The following RNF150 variants were observed in gnomAD, a reference collection of about 807,000 sequenced individuals.
RNF150 encodes the protein ring finger protein 150.
Under a neutral mutation model 39.3 loss-of-function variants are expected in RNF150, and 24 were observed. The observed-to-expected ratio is 0.61, with a 90% CI of 0.44 to 0.86. The LOEUF (loss-of-function observed/expected upper bound fraction) is 0.86. Ranked by LOEUF, RNF150 falls within the 40% of genes least tolerant of loss-of-function variation. The pLI, the probability that RNF150 is intolerant of heterozygous loss-of-function variation, is 0.00. For missense variants in RNF150, 502 were observed against 587.8 expected (o/e 0.85, Z 1.51); for synonymous variants, 255 against 227.3 (o/e 1.12, Z -1.10).
At chr4:141,151,998 C>T (rs1012831541) in intron 1 of RNF150, among the ~76,000 whole-genome samples, 2 of 151,664 alleles carry the variant, frequency 1.3e-5, no homozygotes, top group African/African-American at 2.4e-5. Flanking sequence ...ACAAAACTTT[C>T]ATTGACAGCC....
intron 1 of RNF150, among the ~76,000 whole-genome samples, chr4:141,065,968 C>T (rs959476870): frequency 1.3e-5 from 2 of 152,058 alleles, no homozygotes; most frequent in Non-Finnish European, 1.5e-5. Flanking sequence ...TTTCCTGAAG[C>T]TGCTCCTGTT....
chr4:140,862,210 C>T lies in RNF150; in HGVS notation c.*6051G>A, dbSNP rs114960666. The T allele has an allele frequency of 0.019, 2,958 of 152,284 alleles. 47 individuals are homozygous for T. Among genetic ancestry groups the T allele is most frequent in the Middle Eastern group, 0.031 (9 of 294 alleles). The allele number at this position is 152,284 out of a possible 1,614,324, so 9.4% of individuals were successfully genotyped here. A position where few individuals can be genotyped will look rare whatever the true frequency, so the allele number is the denominator to read the frequency against. ...CGACCTTCTCTAAGGATTTTTCTCCCTCACTGTGTTCAGACATTGCAGACC... is the reference window on the plus strand; with the variant it reads ...CGACCTTCTCTAAGGATTTTTCTCCTTCACTGTGTTCAGACATTGCAGACC... On this transcript the variant is annotated 3_prime_UTR_variant, in exon 7 of 7. Coordinates refer to ENST00000515673, the MANE Select transcript of RNF150 (RefSeq NM_020724.2).
chr4:140,912,915 T>A (rs1228548873), intron 5 of RNF150, among the ~76,000 whole-genome samples: 1 of 145,832 alleles, frequency 6.9e-6, no homozygotes, highest in Admixed American at 7.0e-5. Flanking sequence ...CCACTTACAA[T>A]CTCTTCTCCA....
chr4:141,143,470 C>T (rs995632516), intron 1 of RNF150, among the ~76,000 whole-genome samples: 5 of 152,088 alleles, frequency 3.3e-5, no homozygotes, highest in African/African-American at 9.7e-5. Flanking sequence ...AATCTCAAAC[C>T]TACTCTTCTC....
intron 1 of RNF150, among the ~76,000 whole-genome samples, chr4:141,180,315 C>T (rs538045337): frequency 1.1e-3 from 165 of 152,290 alleles, no homozygotes; most frequent in African/African-American, 3.8e-3. Flanking sequence ...GCATTCCCTT[C>T]CCCTTTAACC....
chr4:140,929,742 T>G, intron 4 of RNF150, among the ~76,000 whole-genome samples: 1 of 152,170 alleles, frequency 6.6e-6, no homozygotes. Context: ...AAGATGTTGC[T>G]ATGAAGGCAT....
chr4:141,015,948 T>C (rs1176148186), intron 1 of RNF150, among the ~76,000 whole-genome samples: 1 of 151,948 alleles, frequency 6.6e-6, no homozygotes, highest in Non-Finnish European at 1.5e-5. Context: ...GGGTGGGGTG[T>C]GTGAAACCAA....
intron 1 of RNF150, among the ~76,000 whole-genome samples, chr4:141,167,492 T>A (rs1727625246): frequency 6.6e-6 from 1 of 151,944 alleles, no homozygotes; most frequent in East Asian, 1.9e-4. Context: ...GCCAAGACAA[T>A]TTTAAACAAA....
intron 4 of RNF150, among the ~76,000 whole-genome samples, chr4:140,945,860 T>C (rs1732289287): frequency 6.6e-6 from 1 of 151,978 alleles, no homozygotes; most frequent in Admixed American, 6.6e-5. Context: ...GGGCTCTAAA[T>C]AATCTTCAAG....
chr4:141,119,654 C>T (rs542562366), intron 1 of RNF150, among the ~76,000 whole-genome samples: 6 of 152,288 alleles, frequency 3.9e-5, no homozygotes, highest in Non-Finnish European at 5.9e-5. Context: ...GAAACACTGG[C>T]GTGATAATAG....
chr4:140,928,374 G>A (rs968372718), intron 4 of RNF150, among the ~76,000 whole-genome samples: 1 of 151,936 alleles, frequency 6.6e-6, no homozygotes, highest in African/African-American at 2.4e-5. Context: ...TTTACATAGA[G>A]GGGAAGGGGA....
In RNF150 at chr4:140,862,246, C is replaced by T. The variant is rs568543681; in HGVS notation, c.*6015G>A. 6.6e-6 allele frequency: 1 copy of T among 152,256 alleles called. No individual in the cohort carries two copies. Among genetic ancestry groups the T allele is most frequent in the South Asian group, 2.1e-4 (1 of 4,814 alleles). The allele number at this position is 152,256 out of a possible 1,614,324, so 9.4% of individuals were successfully genotyped here. A position where few individuals can be genotyped will look rare whatever the true frequency, so the allele number is the denominator to read the frequency against. On this transcript the variant is annotated 3_prime_UTR_variant, in exon 7 of 7. Transcript: ENST00000515673. Reference sequence around the variant, plus strand: ...CAGACATTGCAGACCTCTTAATAGACGTGTATATTTTTGTCTTATCATCAG... The same window carrying T: ...CAGACATTGCAGACCTCTTAATAGATGTGTATATTTTTGTCTTATCATCAG...
chr4:140,936,118 G>GT (rs1043192954), intron 4 of RNF150, among the ~76,000 whole-genome samples: 13 of 152,150 alleles, frequency 8.5e-5, no homozygotes, highest in African/African-American at 3.1e-4. Context: ...TCAATAGCTT[G>GT]TTTTTTTATT....
At chr4:140,921,072 C>G (rs1479311392) in intron 5 of RNF150, among the ~76,000 whole-genome samples, 2 of 150,272 alleles carry the variant, frequency 1.3e-5, no homozygotes, top group Non-Finnish European at 3.0e-5. Flanking sequence ...GGAGATATAC[C>G]TAACGCTAAA....
chr4:140,956,724 A>C (rs1732770196), intron 2 of RNF150, among the ~76,000 whole-genome samples: 2 of 152,206 alleles, frequency 1.3e-5, no homozygotes, highest in Admixed American at 1.3e-4. Flanking sequence ...TCAATGGAAC[A>C]GAACAGAGCC....
Position 141,132,665 on chromosome 4 carries a change from G to T in RNF150, c.144C>A (p.Tyr48Ter). The change falls in exon 1 of 7, where the codon TAC (tyrosine) becomes TAA (stop). Residue 48 changes from tyrosine (Y) to a stop codon, truncating the protein, a stop_gained. Coordinates refer to ENST00000515673, the MANE Select transcript of RNF150 (RefSeq NM_020724.2). LOFTEE classifies it high-confidence loss of function. The surrounding 1 kb of genome is among the most constrained non-coding windows in gnomAD (Gnocchi z 4.9). ...CCCCGGGGTCCGGCGCGGGCTCGGCGTAGGTGATGTTCACGAAGGCGGTGT... is the reference window on the plus strand; with the variant it reads ...CCCCGGGGTCCGGCGCGGGCTCGGCTTAGGTGATGTTCACGAAGGCGGTGT... ...EWYTAFVNIT[Y>*]AEPAPDPGAG... 3.7e-6 allele frequency: 6 copies of T among 1,606,706 alleles called. No homozygotes were observed. Among genetic ancestry groups the T allele is most frequent in the Non-Finnish European group, 5.1e-6 (6 of 1,177,308 alleles).
intron 6 of RNF150, among the ~76,000 whole-genome samples, chr4:140,907,372 C>T (rs888151775): frequency 1.3e-5 from 2 of 152,136 alleles, no homozygotes; most frequent in Non-Finnish European, 2.9e-5. Flanking sequence ...GTCAGACTTG[C>T]AACAAGTTTG....
intron 1 of RNF150, among the ~76,000 whole-genome samples, chr4:141,078,789 C>CAAAAAAAAAAA (rs150748282): frequency 3.1e-5 from 2 of 63,902 alleles, no homozygotes; most frequent in Admixed American, 4.3e-4. Flanking sequence ...AACTCCGTCT[C>CAAAAAAAAAAA]AAAAAAAAAA....
intron 1 of RNF150, among the ~76,000 whole-genome samples, chr4:140,979,960 C>T (rs1459557893): frequency 6.6e-6 from 1 of 152,128 alleles, no homozygotes; most frequent in Non-Finnish European, 1.5e-5. Flanking sequence ...CTGAAACTCA[C>T]ATAATAAAAG....
Sources: gnomAD v4.1 joint callset for allele counts (sites outside exome capture counted in the v4.1 genomes callset) on GRCh38, gnomAD v4.1.1 for gene constraint, Gnocchi (gnomAD v3.1) non-coding constraint, MANE v1.5 for transcripts, NCBI Gene and HGNC (gene_info 2026-07-23, HGNC 2026-07-21) for gene names.